Variants in SGSM3 observed in about 807,000 individuals in gnomAD.
SGSM3 encodes RUN and SH3 containing 3.
In SGSM3, 96 loss-of-function variants were observed where a neutral mutation model predicts 100.5. That is an observed-to-expected ratio of 0.96 (90% confidence interval 0.81 to 1.13). The LOEUF (loss-of-function observed/expected upper bound fraction) is 1.13. Among genes scored for constraint, SGSM3 ranks in the 50% most tolerant of loss-of-function variants. The pLI, the probability that SGSM3 is intolerant of heterozygous loss-of-function variation, is 0.00. For missense variants in SGSM3, 1,001 were observed against 1,015.8 expected (o/e 0.99, Z 0.20); for synonymous variants, 483 against 422.8 (o/e 1.14, Z -1.75).
At chr22:40,406,779 C>A (rs572016467) in intron 10 of SGSM3, 117 bp downstream of exon 10, 358 of 955,682 alleles carry the variant, frequency 3.7e-4, no homozygotes, top group Non-Finnish European at 5.5e-4. Context: ...CTCTGCCCCC[C>A]AGCCTGGCCC....
intron 7 of SGSM3, 36 bp from the exon 8 acceptor site, chr22:40,405,613 C>G (rs1202098307): frequency 6.3e-7 from 1 of 1,586,804 alleles, no homozygotes; most frequent in Non-Finnish European, 8.6e-7. Flanking sequence ...GCACAAAGAC[C>G]TGGGTAGAAG....
chr22:40,389,867 GCACT>G (rs1039190379), intron 1 of SGSM3, among the ~76,000 whole-genome samples: 16 of 145,386 alleles, frequency 1.1e-4, no homozygotes, highest in African/African-American at 3.4e-4. Context: ...TCGCGCCATT[GCACT>G]CCAGCCTGGG....
At chr22:40,405,101 C>A (rs751938280) in intron 6 of SGSM3, 40 bp from the exon 7 acceptor site, 9 of 1,469,926 alleles carry the variant, frequency 6.1e-6, no homozygotes, top group South Asian at 1.5e-5. Flanking sequence ...CAGGGTGTCA[C>A]AAGGTCTTGT....
chr22:40,407,202 G>A lies in SGSM3; in HGVS notation c.1242G>A (p.Gly414=). ...ACCATGGTTCTCTGGGCCTCCTAGGGGAGGATGACCTGGAGGCACTCAAGG... is the reference window on the plus strand; with the variant it reads ...ACCATGGTTCTCTGGGCCTCCTAGGAGAGGATGACCTGGAGGCACTCAAGG... The part of the protein sequence containing the change: ...RKSTITALLF[G]EDDLEALKAK... The change falls in exon 12 of 22, where the codon GGG becomes GGA. Residue 414 remains glycine, a splice_region_variant and synonymous_variant. Transcript: ENST00000248929. This position sits in a 1 kb window ranked among gnomAD's most constrained non-coding sequence, Gnocchi z 4.7. The A allele has an allele frequency of 6.2e-7, 1 of 1,613,626 alleles. No homozygotes were observed. Among genetic ancestry groups the A allele is most frequent in the Admixed American group, 1.7e-5 (1 of 60,026 alleles).
chr22:40,402,265 C>G, intron 4 of SGSM3, 60 bp downstream of exon 4: 1 of 1,290,848 alleles, frequency 7.7e-7, no homozygotes, highest in Admixed American at 1.7e-5. Context: ...GGACTCCGCT[C>G]CCTTGACTGA....
At chr22:40,380,191 G>T (rs183595631) in intron 1 of SGSM3, among the ~76,000 whole-genome samples, 1 of 152,090 alleles carries the variant, frequency 6.6e-6, no homozygotes, top group Non-Finnish European at 1.5e-5. Context: ...AAATGTTCTT[G>T]TATGACTATT....
intron 1 of SGSM3, chr22:40,373,203 C>A (rs2045916558): frequency 6.6e-6 from 1 of 152,202 alleles, no homozygotes; most frequent in Admixed American, 6.5e-5. Flanking sequence ...CTACCTGACT[C>A]TAAACTCTGC....
Position 40,404,440 on chromosome 22 carries a change from T to C in SGSM3, c.351T>C (p.His117=). 3.7e-6 allele frequency: 6 copies of C among 1,605,030 alleles called. No individual in the cohort carries two copies. Among genetic ancestry groups the C allele is most frequent in the Non-Finnish European group, 5.1e-6 (6 of 1,174,912 alleles). Residue 117 remains histidine (H), a synonymous_variant, in exon 5 of 22, where the codon CAT becomes CAC. Transcript: ENST00000248929. ...CCCTGGTGCTGGCCGGCATCCCACA[T>C]GGCATGAGGCCACAGGTAAGGTGGC... ...LRSLVLAGIP[H]GMRPQLWMRL... is the part of the protein sequence containing the mutation.
chr22:40,409,842 C>T lies in SGSM3; in HGVS notation c.*83C>T, dbSNP rs1288033087. Reference sequence around the variant, plus strand: ...CTGCAGAGCCCAGGGAAGAGCAGCTCCAGAGCCCTGGCCGGGGCCGCGGGA... The same window carrying T: ...CTGCAGAGCCCAGGGAAGAGCAGCTTCAGAGCCCTGGCCGGGGCCGCGGGA... On this transcript the variant is annotated 3_prime_UTR_variant, in exon 22 of 22. Coordinates refer to ENST00000248929, the MANE Select transcript of SGSM3 (RefSeq NM_015705.6). The T allele has an allele frequency of 2.0e-6, 3 of 1,532,130 alleles. No homozygotes were observed. Among genetic ancestry groups the T allele is most frequent in the Admixed American group, 2.0e-5 (1 of 48,838 alleles). The allele number at this position is 1,532,130 out of a possible 1,614,324, so 94.9% of individuals were successfully genotyped here.
At chr22:40,381,134 C>T (rs780448761) in intron 1 of SGSM3, among the ~76,000 whole-genome samples, 8 of 151,886 alleles carry the variant, frequency 5.3e-5, no homozygotes, top group East Asian at 1.9e-4. Flanking sequence ...AAGAGGTACA[C>T]GCTTTTCTTT....
chr22:40,408,953 G>A lies in SGSM3; in HGVS notation c.1923G>A (p.Val641=). The A allele has an allele frequency of 6.2e-7, 1 of 1,608,076 alleles. No individual in the cohort carries two copies. Among genetic ancestry groups the A allele is most frequent in the Non-Finnish European group, 8.5e-7 (1 of 1,177,186 alleles). The part of the protein sequence containing the change: ...LLYRAVQSVN[V]THDAVHAQMD... ...CCCAGGCTGTGCAGTCTGTGAACGT[G>A]ACCCACGATGCAGTGCATGCACAAA... The change falls in exon 19 of 22, where the codon GTG becomes GTA. Residue 641 remains valine (V), a synonymous_variant. Transcript: ENST00000248929.
chr22:40,377,258 T>C (rs1159612368), intron 1 of SGSM3, among the ~76,000 whole-genome samples: 1 of 152,186 alleles, frequency 6.6e-6, no homozygotes, highest in African/African-American at 2.4e-5. Context: ...ATAGATGCTT[T>C]CCTCCTTTAA....
intron 1 of SGSM3, among the ~76,000 whole-genome samples, chr22:40,396,781 TATGAA>T (rs1411711068): frequency 6.6e-6 from 1 of 152,104 alleles, no homozygotes; most frequent in Non-Finnish European, 1.5e-5. Context: ...CTCTGATCTA[TATGAA>T]GAGACCACAG....
chr22:40,410,240 G>A lies in SGSM3; in HGVS notation c.*481G>A. ...TGGGACACAACAGACCCGGGACCCA[G>A]CTGTGCTACCCACCCCTTCCATGGA... is the stretch of plus-strand genomic sequence containing the variant. On this transcript the variant is annotated 3_prime_UTR_variant, in exon 22 of 22. Transcript: ENST00000248929. The A allele has an allele frequency of 6.0e-6, 6 of 991,758 alleles. No homozygotes were observed. Among genetic ancestry groups the A allele is most frequent in the Non-Finnish European group, 7.4e-6 (6 of 815,076 alleles). The allele number at this position is 991,758 out of a possible 1,614,324, so 61.4% of individuals were successfully genotyped here. A position where few individuals can be genotyped will look rare whatever the true frequency, so the allele number is the denominator to read the frequency against.
chr22:40,381,916 C>T (rs1038227492), intron 1 of SGSM3, among the ~76,000 whole-genome samples: 6 of 152,150 alleles, frequency 3.9e-5, no homozygotes, highest in Admixed American at 6.5e-5. Context: ...CCAAGATTCG[C>T]GCCACTGCAC....
Position 40,374,170 on chromosome 22 carries a change from T to C in SGSM3, c.-112+3482T>C, listed in dbSNP as rs538421575. ...CGGGGCTTCACCGTGTTAGCCAGAA[T>C]GGTCTTGATCTGACCTCGTGATCCG... is the stretch of plus-strand genomic sequence containing the variant. On this transcript the variant is annotated intron_variant, in intron 1 of 21. Coordinates refer to ENST00000248929, the MANE Select transcript of SGSM3 (RefSeq NM_015705.6). Among the ~76,000 whole-genome samples, 10 of 152,146 alleles carry C rather than the reference T, an allele frequency of 6.6e-5. No individual in the cohort carries two copies. In the East Asian group the frequency reaches 1.9e-3, roughly 29 times the overall value.
intron 1 of SGSM3, among the ~76,000 whole-genome samples, chr22:40,389,656 C>T (rs1482738696): frequency 1.4e-5 from 2 of 148,098 alleles, no homozygotes; most frequent in South Asian, 2.1e-4. Context: ...GCCTGTAATC[C>T]CAGCACTTTG....
intron 1 of SGSM3, among the ~76,000 whole-genome samples, chr22:40,381,961 A>T (rs2047648233): frequency 6.6e-6 from 1 of 152,192 alleles, no homozygotes; most frequent in East Asian, 1.9e-4. Flanking sequence ...CGCTGTCTCA[A>T]ATAATAATTC....
At chr22:40,399,007 A>C (rs1463312443) in intron 1 of SGSM3, among the ~76,000 whole-genome samples, 1 of 138,658 alleles carries the variant, frequency 7.2e-6, no homozygotes. Context: ...TTTTTGAGAC[A>C]GAGTCTCACT....
Sources: allele counts gnomAD v4.1 joint callset (sites outside exome capture counted in the v4.1 genomes callset), GRCh38; gene constraint gnomAD v4.1.1; non-coding constraint Gnocchi (gnomAD v3.1); transcripts MANE v1.5; gene names NCBI Gene and HGNC (gene_info 2026-07-23, HGNC 2026-07-21).